TNKS: variants seen among roughly 807,000 people sequenced by gnomAD.
TNKS encodes the protein poly [ADP-ribose] polymerase tankyrase-1.
TNKS carries 72 observed loss-of-function variants against 135.8 expected under a neutral mutation model. The observed-to-expected ratio is 0.53, with a 90% confidence interval of 0.44 to 0.64. The LOEUF is 0.64. TNKS is among the 30% of genes least tolerant of loss of function. TNKS has a pLI of 0.00. For synonymous variants in TNKS, 849 were observed against 649.3 expected, an observed-to-expected ratio of 1.31 and a Z score of -4.68; for missense variants, 1,769 against 1,674.0, an observed-to-expected ratio of 1.06 and a Z score of -0.99.
chr8:9,585,791 G>C (rs1039622025), intron 2 of TNKS, among the ~76,000 whole-genome samples: 16 of 152,132 alleles, frequency 1.1e-4, no homozygotes, highest in African/African-American at 3.9e-4. Flanking sequence ...CAGAGACTGA[G>C]GGGATCCTCA....
intron 18 of TNKS, among the ~76,000 whole-genome samples, chr8:9,748,938 G>C (rs987956773): frequency 1.3e-5 from 2 of 152,160 alleles, no homozygotes; most frequent in Admixed American, 1.3e-4. Flanking sequence ...GGCCTTGACA[G>C]ATACAACTAG....
At chr8:9,557,181 T>C (rs1256411352) in intron 1 of TNKS, 1 of 154,302 alleles carries the variant, frequency 6.5e-6, no homozygotes, top group African/African-American at 2.4e-5. Flanking sequence ...GAAGAATATT[T>C]GGATGCATTA....
intron 3 of TNKS, among the ~76,000 whole-genome samples, chr8:9,617,638 T>G (rs1799694368): frequency 6.6e-6 from 1 of 152,198 alleles, no homozygotes. Context: ...TTCTTTCCAG[T>G]GGAATTATGG....
intron 3 of TNKS, among the ~76,000 whole-genome samples, chr8:9,637,205 T>A (rs971200506): frequency 6.6e-6 from 1 of 152,178 alleles, no homozygotes; most frequent in African/African-American, 2.4e-5. Flanking sequence ...CAGTCCTAGA[T>A]AAGGAATGCT....
Position 9,580,354 on chromosome 8 carries a change from C to T in TNKS, c.869C>T (p.Ala290Val), listed in dbSNP as rs1454988704. The T allele has an allele frequency of 1.2e-6, 2 of 1,613,892 alleles. No individual in the cohort carries two copies. The highest frequency in any genetic ancestry group is 2.7e-5 in the African/African-American group (2 of 74,876). The change falls in exon 2 of 27, where the codon GCT becomes GTT. Residue 290 changes from alanine (A) to valine (V), a missense_variant. Coordinates refer to ENST00000310430, the MANE Select transcript of TNKS (RefSeq NM_003747.3). ...AACTATACACCTCTGCATGAAGCTG[C>T]TATTAAAGGGAAGATCGATGTGTGC... is the stretch of plus-strand genomic sequence containing the variant. ...NWNYTPLHEA[A>V]IKGKIDVCIV...
At chr8:9,637,971 A>G (rs1279644758) in intron 3 of TNKS, among the ~76,000 whole-genome samples, 1 of 151,976 alleles carries the variant, frequency 6.6e-6, no homozygotes, top group Non-Finnish European at 1.5e-5. Context: ...ATTATTATTT[A>G]CTTATACATT....
At chr8:9,607,351 A>G (rs1381365365) in intron 2 of TNKS, among the ~76,000 whole-genome samples, 8 of 152,056 alleles carry the variant, frequency 5.3e-5, no homozygotes, top group African/African-American at 1.4e-4. Context: ...TGGGGTTGAA[A>G]TATCTGAAGA....
chr8:9,725,404 T>G (rs575551478), intron 12 of TNKS, among the ~76,000 whole-genome samples: 1 of 152,330 alleles, frequency 6.6e-6, no homozygotes, highest in South Asian at 2.1e-4. Context: ...TTTTCCTCCC[T>G]TAATCTCAGC....
intron 5 of TNKS, among the ~76,000 whole-genome samples, chr8:9,682,660 C>T (rs1309463845): frequency 1.3e-5 from 2 of 152,028 alleles, no homozygotes; most frequent in Non-Finnish European, 2.9e-5. Flanking sequence ...TGGCACTTTG[C>T]ATATAGCAGA....
At chr8:9,562,975 G>A (rs540914164) in intron 1 of TNKS, among the ~76,000 whole-genome samples, 1 of 151,820 alleles carries the variant, frequency 6.6e-6, no homozygotes, top group South Asian at 2.1e-4. Context: ...TTTTATTTCA[G>A]AAAAGTTTCT....
intron 1 of TNKS, among the ~76,000 whole-genome samples, chr8:9,569,106 A>G (rs1346654082): frequency 6.6e-6 from 1 of 152,246 alleles, no homozygotes; most frequent in Admixed American, 6.5e-5. Flanking sequence ...TGTTAAGCTT[A>G]TAGCAATAGT....
At chr8:9,633,568 C>T (rs969234417) in intron 3 of TNKS, among the ~76,000 whole-genome samples, 1 of 152,230 alleles carries the variant, frequency 6.6e-6, no homozygotes, top group African/African-American at 2.4e-5. Flanking sequence ...GTATAGTCCC[C>T]TCCCACATTG....
chr8:9,569,588 A>G (rs1296026108), intron 1 of TNKS, among the ~76,000 whole-genome samples: 2 of 152,186 alleles, frequency 1.3e-5, no homozygotes, highest in African/African-American at 2.4e-5. Flanking sequence ...ACTGTTGAGT[A>G]TTTGGGTGGT....
chr8:9,622,863 C>T (rs139617675), intron 3 of TNKS, among the ~76,000 whole-genome samples: 1 of 152,110 alleles, frequency 6.6e-6, no homozygotes, highest in Non-Finnish European at 1.5e-5. Context: ...GGGATACGTT[C>T]CAAGACCCCC....
intron 1 of TNKS, among the ~76,000 whole-genome samples, chr8:9,566,823 T>C (rs1797563301): frequency 6.6e-6 from 1 of 151,504 alleles, no homozygotes; most frequent in Non-Finnish European, 1.5e-5. Flanking sequence ...TTAGCCAGGA[T>C]GGTCTCGATC....
chr8:9,749,763 G>A (rs1806423222), intron 18 of TNKS, among the ~76,000 whole-genome samples: 1 of 152,102 alleles, frequency 6.6e-6, no homozygotes, highest in African/African-American at 2.4e-5. Flanking sequence ...GATTACAGGT[G>A]TGAACCACTG....
At chr8:9,663,180 A>C (rs1263576389) in intron 3 of TNKS, among the ~76,000 whole-genome samples, 1 of 152,246 alleles carries the variant, frequency 6.6e-6, no homozygotes, top group East Asian at 1.9e-4. Flanking sequence ...ATCCCTGCTC[A>C]TCCATTTTAG....
chr8:9,665,006 C>T lies in TNKS; in HGVS notation c.995-14945C>T, dbSNP rs564366305. Among the ~76,000 whole-genome samples, 8 of 152,296 alleles carry T rather than the reference C, an allele frequency of 5.3e-5. No individual in the cohort carries two copies. The South Asian group carries it at 1.0e-3, about 20-fold the overall frequency. ...TAGTAACTTCTTTTTGGAACTACAT[C>T]GTATAAGGATGTTTTTCCTTTTGAG... On this transcript the variant is annotated intron_variant, in intron 3 of 26. Transcript: ENST00000310430.
chr8:9,662,039 A>G (rs976129552), intron 3 of TNKS, among the ~76,000 whole-genome samples: 4 of 152,226 alleles, frequency 2.6e-5, no homozygotes, highest in Non-Finnish European at 5.9e-5. Context: ...CCACAATGAG[A>G]TACCATCTCA....
Sources: allele counts gnomAD v4.1 joint callset (sites outside exome capture counted in the v4.1 genomes callset), GRCh38; gene constraint gnomAD v4.1.1; transcripts MANE v1.5; gene names NCBI Gene and HGNC (gene_info 2026-07-23, HGNC 2026-07-21).